The following TLE6 variants were observed in gnomAD, a reference collection of about 807,000 sequenced individuals.
The protein encoded by TLE6 is TLE family member 6, subcortical maternal complex member, also known as transducin-like enhancer protein 6.
TLE6 carries 72 observed loss-of-function variants against 77.1 expected under a neutral mutation model. That is an observed-to-expected ratio of 0.93 (90% confidence interval 0.77 to 1.14). The LOEUF is 1.14. Among genes scored for constraint, TLE6 ranks in the 50% most tolerant of loss-of-function variants. The probability of loss-of-function intolerance (pLI) is 0.00; values close to 1 mark genes in which losing one functional copy is unlikely to be tolerated. For synonymous variants in TLE6, 366 were observed against 287.3 expected (o/e 1.27, Z -2.77); for missense variants, 843 against 747.6 (o/e 1.13, Z -1.49).
At chr19:2,982,319 C>T in intron 5 of TLE6, 130 bp downstream of exon 5, 1 of 988,006 alleles carries the variant, frequency 1.0e-6, no homozygotes, top group Admixed American at 2.2e-5. Flanking sequence ...GGGTGGATCA[C>T]TTGAGGTCAG....
At chr19:2,983,709 A>AT (rs1233889398) in intron 5 of TLE6, among the ~76,000 whole-genome samples, 1 of 151,958 alleles carries the variant, frequency 6.6e-6, no homozygotes, top group African/African-American at 2.4e-5. Context: ...GGTGGGAGCC[A>AT]TGGAGGGCTT....
Position 2,989,272 on chromosome 19 carries a change from G to A in TLE6, c.952G>A (p.Val318Met), listed in dbSNP as rs2088987193. Residue 318 changes from valine to methionine, a missense_variant, in exon 12 of 17, where the codon GTG (valine) becomes ATG (methionine). Transcript: ENST00000246112. ...CAAGGTGTGGAGCCTGACTGGACAG[G>A]TGGCTGAGGACAGGTTCCCTGAGAG... is the stretch of plus-strand genomic sequence containing the variant. ...GIKVWSLTGQVAEDRFPESHL... is the reference protein window; with the variant it reads ...GIKVWSLTGQMAEDRFPESHL... 1.2e-6 allele frequency: 2 copies of A among 1,613,642 alleles called. No individual in the cohort carries two copies. Among genetic ancestry groups the A allele is most frequent in the Non-Finnish European group, 1.7e-6 (2 of 1,180,038 alleles).
intron 5 of TLE6, chr19:2,983,994 G>T (rs985809008): frequency 1.3e-5 from 2 of 152,148 alleles, no homozygotes; most frequent in African/African-American, 4.8e-5. Flanking sequence ...CCACTGCAGG[G>T]GGCCCCAGGA....
chr19:2,990,641 A>ATAT (rs1491511957), intron 13 of TLE6, among the ~76,000 whole-genome samples: 1 of 71,570 alleles, frequency 1.4e-5, no homozygotes, highest in Admixed American at 1.1e-4. Flanking sequence ...ATATAAATAA[A>ATAT]TATATATATA....
intron 16 of TLE6, 121 bp downstream of exon 16, chr19:2,994,216 C>T: frequency 1.3e-6 from 1 of 767,288 alleles, no homozygotes. Context: ...TGGCTCACGG[C>T]TTTAATCCCA....
At chr19:2,980,348 C>T in intron 3 of TLE6, 166 bp downstream of exon 3, 1 of 474,614 alleles carries the variant, frequency 2.1e-6, no homozygotes, top group Non-Finnish European at 3.8e-6. Context: ...CAATACCCAT[C>T]CCAGCTTTTG....
At chr19:2,985,662 GC>G (rs2088893824) in intron 5 of TLE6, among the ~76,000 whole-genome samples, 2 of 147,414 alleles carry the variant, frequency 1.4e-5, no homozygotes, top group Admixed American at 1.4e-4. Context: ...CTCATGATCC[GC>G]CCGCCTCGGC....
intron 16 of TLE6, among the ~76,000 whole-genome samples, chr19:2,994,678 C>T (rs2089169066): frequency 6.6e-6 from 1 of 151,690 alleles, no homozygotes. Context: ...GTGGTGCACA[C>T]CTGCGGTCCC....
At chr19:2,992,779 CAA>C (rs1187737901) in intron 14 of TLE6, among the ~76,000 whole-genome samples, 3 of 15,036 alleles carry the variant, frequency 2.0e-4, no homozygotes, top group Non-Finnish European at 3.0e-4. Flanking sequence ...GACCCTGTCT[CAA>C]AAAAAAAAAA....
intron 14 of TLE6, among the ~76,000 whole-genome samples, chr19:2,992,730 C>T (rs2089098649): frequency 7.5e-6 from 1 of 133,948 alleles, no homozygotes; most frequent in South Asian, 2.4e-4. Context: ...GAACTGTGAT[C>T]ATACCAGTGA....
chr19:2,981,705 T>A, intron 4 of TLE6, 122 bp downstream of exon 4: 1 of 1,069,284 alleles, frequency 9.4e-7, no homozygotes, highest in Non-Finnish European at 1.4e-6. Flanking sequence ...GCACTGTGCC[T>A]CACGCCTGTA....
chr19:2,993,867 T>TG, intron 15 of TLE6, 152 bp from the exon 16 acceptor site: 1 of 743,494 alleles, frequency 1.3e-6, no homozygotes, highest in South Asian at 1.7e-5. Flanking sequence ...CAGTGAACTG[T>TG]GATCATACCA....
At chr19:2,988,238 C>CT (rs2088961880) in intron 11 of TLE6, 110 bp downstream of exon 11, 2 of 1,196,676 alleles carry the variant, frequency 1.7e-6, no homozygotes, top group Non-Finnish European at 2.4e-6. Context: ...GTAAGACTTT[C>CT]TTCCCCTTTT....
chr19:2,994,741 C>T (rs1054263729), intron 16 of TLE6, among the ~76,000 whole-genome samples, 159 bp from the exon 17 acceptor site: 1 of 152,072 alleles, frequency 6.6e-6, no homozygotes, highest in Admixed American at 6.6e-5. Flanking sequence ...GAGGTCGAGG[C>T]TGCAGCAAGC....
At chr19:2,978,421 CAA>C in intron 2 of TLE6, 137 bp downstream of exon 2, 1 of 813,302 alleles carries the variant, frequency 1.2e-6, no homozygotes, top group Non-Finnish European at 2.0e-6. Flanking sequence ...CTGCTACACT[CAA>C]GACAGGTGCC....
chr19:2,992,286 A>C (rs566944155), intron 14 of TLE6, among the ~76,000 whole-genome samples: 1 of 151,984 alleles, frequency 6.6e-6, no homozygotes, highest in East Asian at 1.9e-4. Context: ...GAGCCTGACC[A>C]ACATGGTGAA....
chr19:2,979,039 C>T (rs1254622581), intron 2 of TLE6, among the ~76,000 whole-genome samples: 1 of 152,186 alleles, frequency 6.6e-6, no homozygotes, highest in Non-Finnish European at 1.5e-5. Flanking sequence ...GCAACCTCTG[C>T]CTCCCGGGTT....
intron 5 of TLE6, 113 bp from the exon 6 acceptor site, chr19:2,986,716 A>G: frequency 8.8e-7 from 1 of 1,141,016 alleles, no homozygotes; most frequent in East Asian, 2.6e-5. Flanking sequence ...TCTGTCTCAA[A>G]AAAACAAGTA....
chr19:2,990,788 G>T (rs1383131086), intron 13 of TLE6, among the ~76,000 whole-genome samples: 3 of 151,188 alleles, frequency 2.0e-5, no homozygotes, highest in Non-Finnish European at 4.4e-5. Flanking sequence ...ATCACTTGAG[G>T]CCAGGAGCTC....
Sources: gnomAD v4.1 joint callset for allele counts (sites outside exome capture counted in the v4.1 genomes callset) on GRCh38, gnomAD v4.1.1 for gene constraint, MANE v1.5 for transcripts, NCBI Gene and HGNC (gene_info 2026-07-23, HGNC 2026-07-21) for gene names.